The following DNAJC11 variants were observed in gnomAD, a reference collection of about 807,000 sequenced individuals.
DNAJC11 encodes dnaJ homolog subfamily C member 11.
Under a neutral mutation model 78.6 loss-of-function variants are expected in DNAJC11, and 15 were observed. The ratio of observed to expected loss-of-function variants is 0.19; its 90% CI spans 0.13 to 0.29. DNAJC11 has a LOEUF of 0.29. DNAJC11 is among the 10% of genes least tolerant of loss of function. The pLI, the probability that DNAJC11 is intolerant of heterozygous loss-of-function variation, is 1.00. For synonymous variants in DNAJC11, 292 were observed against 272.1 expected, an observed-to-expected ratio of 1.07 and a Z score of -0.72; for missense variants, 547 against 709.6, an observed-to-expected ratio of 0.77 and a Z score of 2.60.
At chr1:6,647,207 G>A (rs1641979493) in intron 7 of DNAJC11, among the ~76,000 whole-genome samples, 1 of 150,396 alleles carries the variant, frequency 6.6e-6, no homozygotes, top group Non-Finnish European at 1.5e-5. Flanking sequence ...TCAGCTTCCT[G>A]GGTAGCTGGG....
At chr1:6,643,491 G>T (rs1029936345) in intron 10 of DNAJC11, among the ~76,000 whole-genome samples, 1 of 151,932 alleles carries the variant, frequency 6.6e-6, no homozygotes, top group Non-Finnish European at 1.5e-5. Context: ...TAGCCAGGAT[G>T]GTCTCAATCT....
intron 7 of DNAJC11, among the ~76,000 whole-genome samples, chr1:6,650,594 C>T (rs1642039257): frequency 6.6e-6 from 1 of 152,084 alleles, no homozygotes; most frequent in Non-Finnish European, 1.5e-5. Flanking sequence ...ATAAAATAGG[C>T]CAGGCGTGGT....
At chr1:6,696,696 C>A (rs1422177933) in intron 1 of DNAJC11, among the ~76,000 whole-genome samples, 2 of 152,236 alleles carry the variant, frequency 1.3e-5, no homozygotes, top group East Asian at 3.8e-4. Context: ...AGTTTCATGG[C>A]TGTTCTGGAA....
chr1:6,643,642 T>C (rs962853756), intron 10 of DNAJC11, among the ~76,000 whole-genome samples: 1 of 152,010 alleles, frequency 6.6e-6, no homozygotes, highest in African/African-American at 2.4e-5. Flanking sequence ...AGCAAGGGTA[T>C]GTGTGCCAAT....
rs150287522 is a variant in DNAJC11 at position 6,680,682 on chromosome 1, G to C, written c.202+226C>G. 3.5e-3 allele frequency among the ~76,000 whole-genome samples: 537 copies of C among 152,304 alleles called. 2 individuals carry two copies. The highest frequency in any genetic ancestry group is 5.5e-3 in the Non-Finnish European group (371 of 68,016). On this transcript the variant is annotated intron_variant, in intron 2 of 15. Transcript: ENST00000377577. The surrounding 1 kb of genome is among the most constrained non-coding windows in gnomAD (Gnocchi z 4.0). Reference sequence around the variant, plus strand: ...AGTATTCCCTTGCAATTGAGACTCTGTCTATTACCTCGCCCGGTCTCTCAT... The same window carrying C: ...AGTATTCCCTTGCAATTGAGACTCTCTCTATTACCTCGCCCGGTCTCTCAT...
At position 6,701,769 on chromosome 1, in the gene DNAJC11, T is replaced by C; in HGVS notation, c.32A>G (p.Asp11Gly). 1 of 1,566,774 alleles carries C rather than the reference T, an allele frequency of 6.4e-7. No individual in the cohort carries two copies. The highest frequency in any genetic ancestry group is 1.8e-5 in the Admixed American group (1 of 54,462). Residue 11 changes from aspartate (D) to glycine (G), a missense_variant, in exon 1 of 16, where the codon GAC becomes GGC. By Grantham distance (94) the Asp-to-Gly change is moderately conservative. Transcript: ENST00000377577. ...CAGCAACGAGTAATAGTCTTCATTG[T>C]CCAGCTCCTCCTCGCTCAAGGCCGT... The part of the protein sequence containing the change: MATALSEEEL[D>G]NEDYYSLLNV...
intron 1 of DNAJC11, among the ~76,000 whole-genome samples, chr1:6,697,881 T>G (rs1642862708): frequency 6.6e-6 from 1 of 151,878 alleles, no homozygotes; most frequent in Non-Finnish European, 1.5e-5. Flanking sequence ...CTCGGCTCAC[T>G]GCAAGCTCCG....
Position 6,635,376 on chromosome 1 carries a change from T to C in DNAJC11, c.*299A>G, listed in dbSNP as rs1641742673. ...AGGGCGGCGGGCTGCGGTCAGCACG[T>C]GTGCTCGGGACACAGCGGAGTCAGG... On this transcript the variant is annotated 3_prime_UTR_variant, in exon 16 of 16. Coordinates refer to ENST00000377577, the MANE Select transcript of DNAJC11 (RefSeq NM_018198.4). The C allele has an allele frequency of 8.8e-6, 3 of 339,892 alleles. No individual in the cohort carries two copies. The highest frequency in any genetic ancestry group is 8.8e-5 in the South Asian group (2 of 22,844). 21.1% of individuals were successfully genotyped at this position (339,892 alleles called of 1,614,324 possible). A position where few individuals can be genotyped will look rare whatever the true frequency, so the allele number is the denominator to read the frequency against.
At chr1:6,640,169 G>A (rs1008945441) in intron 10 of DNAJC11, 112 bp from the exon 11 acceptor site, 12 of 1,301,776 alleles carry the variant, frequency 9.2e-6, no homozygotes, top group South Asian at 1.6e-5. Flanking sequence ...GTGCAGCTGC[G>A]AGTTAAAGGA....
chr1:6,699,095 C>G (rs1351155845), intron 1 of DNAJC11, among the ~76,000 whole-genome samples: 3 of 150,828 alleles, frequency 2.0e-5, no homozygotes, highest in Non-Finnish European at 4.4e-5. Flanking sequence ...CGCTTGAGCT[C>G]AGGAGACCAA....
At chr1:6,697,270 A>C (rs957167948) in intron 1 of DNAJC11, among the ~76,000 whole-genome samples, 1 of 152,206 alleles carries the variant, frequency 6.6e-6, no homozygotes, top group African/African-American at 2.4e-5. Context: ...TCATAGGAGA[A>C]CGGGGGGTCC....
chr1:6,684,360 G>A (rs963246071), intron 1 of DNAJC11, among the ~76,000 whole-genome samples: 1 of 152,248 alleles, frequency 6.6e-6, no homozygotes, highest in Non-Finnish European at 1.5e-5. Context: ...GGGATTACAG[G>A]CGTGAGCCAC....
chr1:6,676,600 A>C (rs999632737), intron 3 of DNAJC11, among the ~76,000 whole-genome samples: 1 of 152,032 alleles, frequency 6.6e-6, no homozygotes, highest in Non-Finnish European at 1.5e-5. Flanking sequence ...GACTCACTTG[A>C]GCCTGGGAGG....
In DNAJC11 at chr1:6,671,839, T is replaced by G. The variant is rs1053378943; in HGVS notation, c.277-4029A>C. Among the ~76,000 whole-genome samples, 130 of 152,272 alleles carry G rather than the reference T, an allele frequency of 8.5e-4. 2 individuals carry two copies. The highest frequency in any genetic ancestry group is 7.9e-4 in the Non-Finnish European group (54 of 68,024). On this transcript the variant is annotated intron_variant, in intron 3 of 15. Coordinates refer to ENST00000377577, the MANE Select transcript of DNAJC11 (RefSeq NM_018198.4). ...CCAGCGATATTTTATTTTATTTTAA[T>G]ATTTTATTTTTTTGAGACAGAGTCT...
intron 4 of DNAJC11, among the ~76,000 whole-genome samples, chr1:6,663,296 C>G (rs531312319): frequency 1.3e-5 from 2 of 152,228 alleles, no homozygotes; most frequent in African/African-American, 4.8e-5. Flanking sequence ...CCTTTGCCCC[C>G]ACACCCCCAA....
intron 2 of DNAJC11, among the ~76,000 whole-genome samples, chr1:6,679,791 T>C (rs746360800): frequency 2.6e-4 from 39 of 152,198 alleles, no homozygotes; most frequent in Non-Finnish European, 3.5e-4. Flanking sequence ...CTTCCCCAGG[T>C]CTCCAACACA....
At chr1:6,689,085 C>T (rs1409493886) in intron 1 of DNAJC11, among the ~76,000 whole-genome samples, 1 of 151,988 alleles carries the variant, frequency 6.6e-6, no homozygotes, top group African/African-American at 2.4e-5. Context: ...TGACCCTGAC[C>T]CAAGAAATAA....
At chr1:6,644,121 T>G (rs987955593) in intron 10 of DNAJC11, among the ~76,000 whole-genome samples, 4 of 151,500 alleles carry the variant, frequency 2.6e-5, no homozygotes, top group African/African-American at 9.7e-5. Flanking sequence ...CCACGGCACC[T>G]GGCTGAATTT....
intron 1 of DNAJC11, among the ~76,000 whole-genome samples, chr1:6,682,939 C>T (rs1471235096): frequency 2.0e-5 from 3 of 152,148 alleles, no homozygotes. Flanking sequence ...AGACCCAAGC[C>T]ATTCAGCTTG....
Sources: allele counts gnomAD v4.1 joint callset (sites outside exome capture counted in the v4.1 genomes callset), GRCh38; gene constraint gnomAD v4.1.1; non-coding constraint Gnocchi (gnomAD v3.1); transcripts MANE v1.5; gene names NCBI Gene and HGNC (gene_info 2026-07-23, HGNC 2026-07-21).